The following DLEC1 variants were observed in gnomAD, a reference collection of about 807,000 sequenced individuals.
DLEC1 encodes the protein DLEC1 cilia and flagella associated protein.
Under a neutral mutation model 198.1 loss-of-function variants are expected in DLEC1, and 146 were observed. The ratio of observed to expected loss-of-function variants is 0.74; its 90% CI spans 0.64 to 0.85. DLEC1 has a LOEUF of 0.85. Among genes scored for constraint, DLEC1 ranks in the 40% least tolerant of loss-of-function variants. DLEC1 has a pLI of 0.00. For synonymous variants in DLEC1, 897 were observed against 866.8 expected, an observed-to-expected ratio of 1.03 and a Z score of -0.61; for missense variants, 2,233 against 2,220.0, an observed-to-expected ratio of 1.01 and a Z score of -0.12.
chr3:38,098,891 C>T (rs776326748), intron 18 of DLEC1, among the ~76,000 whole-genome samples: 8 of 152,276 alleles, frequency 5.3e-5, no homozygotes, highest in Non-Finnish European at 8.8e-5. Context: ...TGCCAAGTAC[C>T]TGTTACACAG....
chr3:38,062,610 G>T lies in DLEC1; in HGVS notation c.903G>T (p.Trp301Cys). 1 of 1,614,130 alleles carries T rather than the reference G, an allele frequency of 6.2e-7. No individual in the cohort carries two copies. The highest frequency in any genetic ancestry group is 8.5e-7 in the Non-Finnish European group (1 of 1,180,036). ...CAAGTCAACCAAGGAATAAAAACTG[G>T]ATGAACCACTTACGTGTGCCACAGA... ...KKASQPRNKN[W>C]MNHLRVPQRE... Residue 301 changes from tryptophan to cysteine, a missense_variant, in exon 5 of 37, where the codon TGG (tryptophan) becomes TGT (cysteine). Transcript: ENST00000308059.
At chr3:38,042,661 T>G (rs965042033) in intron 1 of DLEC1, among the ~76,000 whole-genome samples, 3 of 151,174 alleles carry the variant, frequency 2.0e-5, no homozygotes, top group Admixed American at 6.6e-5. Flanking sequence ...GTTCATGTGA[T>G]TCTCCTGCCT....
rs772642650 is a variant in DLEC1, at chr3:38,122,373, C to T, written c.5229C>T (p.Gly1743=). The T allele has an allele frequency of 5.0e-6, 8 of 1,614,094 alleles. No homozygotes were observed. Among genetic ancestry groups the T allele is most frequent in the Non-Finnish European group, 5.9e-6 (7 of 1,180,040 alleles). The part of the protein sequence containing the change: ...KSCTLRLRGQ[G]SYDERYMLPH... ...GCACCCTGCGGCTCCGGGGCCAAGG[C>T]TCCTATGATGAGAGATACATGTTGC... The change falls in exon 37 of 37, where the codon GGC becomes GGT. Residue 1743 remains glycine (G), a synonymous_variant. Transcript: ENST00000308059.
rs139183466 is a variant in DLEC1 at position 38,051,566 on chromosome 3, G to C, written c.562+5873G>C. 2.7e-3 allele frequency among the ~76,000 whole-genome samples: 406 copies of C among 152,358 alleles called. 4 individuals are homozygous for C. Among genetic ancestry groups the C allele is most frequent in the Middle Eastern group, 0.01 (3 of 294 alleles). On this transcript the variant is annotated intron_variant, in intron 2 of 36. Transcript: ENST00000308059. Reference sequence around the variant, plus strand: ...GGCTACACAGCCTCACTCTGCAGCAGATATCATTTCCACTGTTGAGTTTAA... The same window carrying C: ...GGCTACACAGCCTCACTCTGCAGCACATATCATTTCCACTGTTGAGTTTAA...
Position 38,114,473 on chromosome 3 carries a change from C to G in DLEC1, c.3785+13C>G. 6.2e-7 allele frequency: 1 copy of G among 1,611,726 alleles called. No homozygotes were observed. Among genetic ancestry groups the G allele is most frequent in the Non-Finnish European group, 8.5e-7 (1 of 1,177,822 alleles). ...AACCAGCCATGAGGTGCTCCATGCT[C>G]AGCCTGAGCCTCTGCTCCCTGGTAG... is the stretch of plus-strand genomic sequence containing the variant. On this transcript the variant is annotated intron_variant, in intron 26 of 36. Coordinates refer to ENST00000308059, the MANE Select transcript of DLEC1 (RefSeq NM_007335.4).
chr3:38,068,618 G>A (rs1457499863), intron 6 of DLEC1, among the ~76,000 whole-genome samples: 3 of 152,218 alleles, frequency 2.0e-5, no homozygotes, highest in Non-Finnish European at 2.9e-5. Flanking sequence ...ATAGCAGTAG[G>A]TGTAGTGGGC....
At chr3:38,079,506 G>A (rs983301069) in intron 6 of DLEC1, among the ~76,000 whole-genome samples, 1 of 152,128 alleles carries the variant, frequency 6.6e-6, no homozygotes, top group African/African-American at 2.4e-5. Flanking sequence ...GATGGTCTAG[G>A]GGGCTTTGGA....
chr3:38,117,861 T>TCC lies in DLEC1; in HGVS notation c.4543_4544dup (p.Tyr1517ThrfsTer54), dbSNP rs754850304. ...CTGAAGCTGACCAACACTACAGAGA[T>TCC]CCCACACTACTTCCGGCTTATGGTC... On this transcript the variant is annotated frameshift_variant, in exon 33 of 37. Coordinates refer to ENST00000308059, the MANE Select transcript of DLEC1 (RefSeq NM_007335.4). LOFTEE classifies it high-confidence loss of function. 2.5e-6 allele frequency: 4 copies of TCC among 1,614,072 alleles called. No individual in the cohort carries two copies. In the South Asian group the frequency reaches 4.4e-5, roughly 18 times the overall value.
intron 27 of DLEC1, among the ~76,000 whole-genome samples, chr3:38,116,014 G>A (rs1471927224): frequency 6.6e-6 from 1 of 152,152 alleles, no homozygotes; most frequent in East Asian, 1.9e-4. Flanking sequence ...ATGCTGGCAA[G>A]ACAGAGGTGG....
chr3:38,079,243 C>G (rs1258946995), intron 6 of DLEC1, among the ~76,000 whole-genome samples: 1 of 151,994 alleles, frequency 6.6e-6, no homozygotes, highest in East Asian at 1.9e-4. Context: ...TAAAGTGTCT[C>G]GGCCTAATAA....
intron 34 of DLEC1, among the ~76,000 whole-genome samples, chr3:38,120,970 G>A (rs963127380): frequency 6.6e-6 from 1 of 152,198 alleles, no homozygotes; most frequent in Non-Finnish European, 1.5e-5. Flanking sequence ...AAGCAGCTGC[G>A]AAGGACAGCC....
intron 6 of DLEC1, among the ~76,000 whole-genome samples, chr3:38,079,971 G>A (rs1419353743): frequency 6.6e-6 from 1 of 152,046 alleles, no homozygotes; most frequent in South Asian, 2.1e-4. Flanking sequence ...GGAGCGGATT[G>A]GGTAATAAAA....
Position 38,092,841 on chromosome 3 carries a change from A to G in DLEC1, c.1717A>G (p.Met573Val). 1 of 1,614,150 alleles carries G rather than the reference A, an allele frequency of 6.2e-7. No individual in the cohort carries two copies. The highest frequency in any genetic ancestry group is 8.5e-7 in the Non-Finnish European group (1 of 1,180,022). The change falls in exon 11 of 37, where the codon ATG (methionine) becomes GTG (valine). Residue 573 changes from methionine to valine, a missense_variant. Coordinates refer to ENST00000308059, the MANE Select transcript of DLEC1 (RefSeq NM_007335.4). ...AAAGGCAGAGCAGACCTTCATCATC[A>G]TGTGCGACAACTGCCAGATAAAGGA... ...LGKAEQTFII[M>V]CDNCQIKELV...
At position 38,117,814 on chromosome 3, in the gene DLEC1, T is replaced by C. The variant is rs200734144; in HGVS notation, c.4494T>C (p.Ser1498=). ...CCTCTGTGGCTGCCCAGGTGCTGAG[T>C]GAGCTGGTGACCACCCACCACCTGA... ...IPEQPCSGVL[S]ELVTTHHLKL... is the part of the protein sequence containing the mutation. Residue 1498 remains serine, a synonymous_variant, in exon 33 of 37, where the codon AGT becomes AGC. Transcript: ENST00000308059. 4.2e-5 allele frequency: 68 copies of C among 1,613,750 alleles called. No individual in the cohort carries two copies. The highest frequency in any genetic ancestry group is 5.6e-5 in the Non-Finnish European group (66 of 1,179,946).
Position 38,116,456 on chromosome 3 carries a change from T to A in DLEC1, c.3860T>A (p.Ile1287Asn). ...CTGCTCCACACATCTGCCCCAGACA[T>A]CCGCCTGGATTGGGAGACCTATGTT... ...LRLNNSSPCDIRLDWETYVPE... is the reference protein window; with the variant it reads ...LRLNNSSPCDNRLDWETYVPE... Residue 1287 changes from isoleucine (I) to asparagine (N), a missense_variant, in exon 28 of 37, where the codon ATC (isoleucine) becomes AAC (asparagine). Ile to Asn is a moderately radical substitution (Grantham distance 149). Transcript: ENST00000308059. The A allele has an allele frequency of 6.2e-7, 1 of 1,613,960 alleles. No homozygotes were observed.
chr3:38,100,944 CT>C (rs148093115), intron 19 of DLEC1, among the ~76,000 whole-genome samples: 2,822 of 152,248 alleles, frequency 0.019, 90 homozygotes, highest in African/African-American at 0.064. Flanking sequence ...GGTAGTATTC[CT>C]TTTTTTCTTC....
At chr3:38,068,080 C>T (rs6768315) in intron 6 of DLEC1, among the ~76,000 whole-genome samples, 51,200 of 151,898 alleles carry the variant, frequency 0.34, 8,973 homozygotes, top group East Asian at 0.56. Context: ...AAGTGAGTAT[C>T]CTAGCAAGCA....
intron 6 of DLEC1, among the ~76,000 whole-genome samples, chr3:38,064,623 G>A (rs1292292072): frequency 3.3e-5 from 5 of 150,602 alleles, no homozygotes; most frequent in African/African-American, 4.9e-5. Flanking sequence ...CGGGAAGGGC[G>A]GCTAGCCGGG....
At chr3:38,046,706 C>T (rs757832138) in intron 2 of DLEC1, among the ~76,000 whole-genome samples, 5 of 152,174 alleles carry the variant, frequency 3.3e-5, no homozygotes, top group Non-Finnish European at 7.3e-5. Flanking sequence ...GGTTTTTTAA[C>T]ACAAGTGACT....
Sources: gnomAD v4.1 joint callset for allele counts (sites outside exome capture counted in the v4.1 genomes callset) on GRCh38, gnomAD v4.1.1 for gene constraint, MANE v1.5 for transcripts, NCBI Gene and HGNC (gene_info 2026-07-23, HGNC 2026-07-21) for gene names.